NCOA7: variants seen among roughly 807,000 people sequenced by gnomAD.
The protein encoded by NCOA7 is 140 kDa estrogen receptor-associated protein.
A neutral mutation model predicts 104.3 loss-of-function variants in NCOA7; 45 were observed. The observed-to-expected ratio is 0.43, with a 90% confidence interval of 0.34 to 0.55. NCOA7 has a LOEUF of 0.55. Ranked by LOEUF, NCOA7 falls within the 20% of genes least tolerant of loss-of-function variation. The probability of loss-of-function intolerance (pLI) is 0.02; values close to 1 mark genes in which losing one functional copy is unlikely to be tolerated. For missense variants in NCOA7, 1,041 were observed against 1,119.7 expected (o/e 0.93, Z 1.00); for synonymous variants, 398 against 402.3 (o/e 0.99, Z 0.13).
At chr6:125,872,827 T>C (rs1783046462) in intron 3 of NCOA7, among the ~76,000 whole-genome samples, 1 of 152,242 alleles carries the variant, frequency 6.6e-6, no homozygotes, top group African/African-American at 2.4e-5. Flanking sequence ...TCAATAGTCC[T>C]GTCTTCCTGA....
chr6:125,874,099 C>A (rs1173756799), intron 3 of NCOA7, among the ~76,000 whole-genome samples: 1 of 152,072 alleles, frequency 6.6e-6, no homozygotes, highest in Non-Finnish European at 1.5e-5. Flanking sequence ...CTGAGGCGGG[C>A]GGATCACCTG....
Position 125,814,860 on chromosome 6 carries a change from A to C in NCOA7, c.-64-431A>C, listed in dbSNP as rs1180053376. Among the ~76,000 whole-genome samples, 4 of 152,226 alleles carry C rather than the reference A, an allele frequency of 2.6e-5. No homozygotes were observed. The East Asian group carries it at 7.7e-4, about 29-fold the overall frequency. ...TGAAGTTATTTTTATTTTTTTAAAA[A>C]AACATTCTTGTAAAACACCTAAGTG... On this transcript the variant is annotated intron_variant, in intron 1 of 15. Coordinates refer to ENST00000392477, the MANE Select transcript of NCOA7 (RefSeq NM_181782.5).
chr6:125,863,952 T>G lies in NCOA7; in HGVS notation c.271+8712T>G, dbSNP rs567877545. ...GGTGAGGATTTCAACATATGAATTTTGGGGGAACATAACATTAAAATCTTA... is the reference window on the plus strand; with the variant it reads ...GGTGAGGATTTCAACATATGAATTTGGGGGGAACATAACATTAAAATCTTA... On this transcript the variant is annotated intron_variant, in intron 3 of 15. Transcript: ENST00000392477. Among the ~76,000 whole-genome samples, 40 of 137,958 alleles carry G rather than the reference T, an allele frequency of 2.9e-4. 8 individuals are homozygous for G. Among genetic ancestry groups the G allele is most frequent in the African/African-American group, 1.1e-3 (38 of 33,112 alleles). The allele number at this position is 137,958 out of a possible 152,430, so 90.5% of individuals were successfully genotyped here.
chr6:125,847,038 T>C lies in NCOA7; in HGVS notation c.51-7982T>C, dbSNP rs143468293. Among the ~76,000 whole-genome samples the C allele has an allele frequency of 3.7e-3, 568 of 152,320 alleles. 5 individuals are homozygous for C. The highest frequency in any genetic ancestry group is 0.013 in the African/African-American group (537 of 41,576). On this transcript the variant is annotated intron_variant, in intron 2 of 15. Transcript: ENST00000392477. ...ACAATATTTGTGTGTTAGATTATTA[T>C]AGTAGGAGAGAGATTTCAAAGACTA...
At chr6:125,921,690 C>T (rs937029558) in intron 12 of NCOA7, among the ~76,000 whole-genome samples, 1 of 152,034 alleles carries the variant, frequency 6.6e-6, no homozygotes, top group Non-Finnish European at 1.5e-5. Context: ...AAAAAGGATC[C>T]AAATTTATCC....
intron 3 of NCOA7, among the ~76,000 whole-genome samples, chr6:125,864,391 T>G (rs112709826): frequency 0.014 from 1,865 of 137,734 alleles, 500 homozygotes; most frequent in African/African-American, 0.054. Flanking sequence ...AGAAGTGTAT[T>G]CACCAGAATG....
intron 2 of NCOA7, among the ~76,000 whole-genome samples, chr6:125,816,631 T>G (rs1216218800): frequency 1.3e-5 from 2 of 152,200 alleles, no homozygotes; most frequent in Non-Finnish European, 2.9e-5. Flanking sequence ...GATAGGATAT[T>G]TAGAATAAAT....
intron 2 of NCOA7, among the ~76,000 whole-genome samples, chr6:125,824,673 C>T (rs1027301864): frequency 6.6e-6 from 1 of 152,112 alleles, no homozygotes; most frequent in Non-Finnish European, 1.5e-5. Flanking sequence ...TCATATGCTT[C>T]AGTGAAAGGT....
chr6:125,816,416 C>T (rs1173232668), intron 2 of NCOA7, among the ~76,000 whole-genome samples: 2 of 152,126 alleles, frequency 1.3e-5, no homozygotes, highest in East Asian at 3.9e-4. Flanking sequence ...TTGTCCATTT[C>T]ATGCAGCATA....
chr6:125,802,528 A>G (rs897096164), intron 1 of NCOA7: 3 of 152,240 alleles, frequency 2.0e-5, no homozygotes, highest in African/African-American at 7.2e-5. Context: ...CTTCAAGTCA[A>G]TATGAATATG....
chr6:125,847,559 G>A (rs1417856228), intron 2 of NCOA7, among the ~76,000 whole-genome samples: 1 of 152,136 alleles, frequency 6.6e-6, no homozygotes, highest in African/African-American at 2.4e-5. Flanking sequence ...ACTAATTAAA[G>A]CAGTCTGTAG....
At chr6:125,805,003 G>A (rs1401986913) in intron 1 of NCOA7, among the ~76,000 whole-genome samples, 2 of 148,340 alleles carry the variant, frequency 1.3e-5, no homozygotes, top group Non-Finnish European at 3.0e-5. Flanking sequence ...CATTTAGTAT[G>A]AATAGTAATG....
Position 125,890,732 on chromosome 6 carries a change from C to T in NCOA7, c.2018C>T (p.Thr673Ile), listed in dbSNP as rs945842481. The T allele has an allele frequency of 3.1e-6, 5 of 1,613,920 alleles. No individual in the cohort carries two copies. The highest frequency in any genetic ancestry group is 2.2e-5 in the East Asian group (1 of 44,836). Residue 673 changes from threonine (T) to isoleucine (I), a missense_variant, in exon 10 of 16, where the codon ACT (threonine) becomes ATT (isoleucine). Coordinates refer to ENST00000392477, the MANE Select transcript of NCOA7 (RefSeq NM_181782.5). ...AAACCAATGAGAAAATCCTTTGCCA[C>T]TCACACTGCAGCCATGGTCCAGCAG... is the stretch of plus-strand genomic sequence containing the variant. Reference protein sequence around the residue: ...VGKPMRKSFATHTAAMVQQYG... With the variant: ...VGKPMRKSFAIHTAAMVQQYG...
In NCOA7 at chr6:125,864,498, T is replaced by C. The variant is rs1001531303; in HGVS notation, c.271+9258T>C. Among the ~76,000 whole-genome samples, 2 of 136,160 alleles carry C rather than the reference T, an allele frequency of 1.5e-5. 1 individual carries two copies. The highest frequency in any genetic ancestry group is 3.1e-5 in the Non-Finnish European group (2 of 64,482). 89.3% of individuals were successfully genotyped at this position (136,160 alleles called of 152,430 possible). ...AAAATCACTACTATGATCTGAATAT[T>C]TGTGTCCCCCCACCCACCCCCAAAT... On this transcript the variant is annotated intron_variant, in intron 3 of 15. Transcript: ENST00000392477.
intron 2 of NCOA7, among the ~76,000 whole-genome samples, chr6:125,832,479 G>A (rs544498608): frequency 1.3e-5 from 2 of 152,284 alleles, no homozygotes; most frequent in Admixed American, 6.5e-5. Context: ...CCAGGCAAGA[G>A]GACACACACA....
intron 14 of NCOA7, 22 bp from the exon 15 acceptor site, chr6:125,928,152 T>C: frequency 6.3e-7 from 1 of 1,592,194 alleles, no homozygotes; most frequent in South Asian, 1.1e-5. Flanking sequence ...GTCTGTTTTC[T>C]TTTTTGTGTT....
intron 2 of NCOA7, among the ~76,000 whole-genome samples, chr6:125,825,859 G>C (rs984721227): frequency 1.3e-5 from 2 of 151,906 alleles, no homozygotes; most frequent in African/African-American, 4.8e-5. Flanking sequence ...TTATATAAAC[G>C]ATATTCTTAT....
At position 125,867,397 on chromosome 6, in the gene NCOA7, AAGT is replaced by A. The variant is rs202237088; in HGVS notation, c.272-7490_272-7488del. 7.7e-3 allele frequency among the ~76,000 whole-genome samples: 1,169 copies of A among 152,362 alleles called. 14 individuals are homozygous for A. Among genetic ancestry groups the A allele is most frequent in the African/African-American group, 0.027 (1,116 of 41,574 alleles). The stretch of plus-strand genomic sequence containing the variant: ...TATTGGTAATGTTTTACTTTAAAAA[AAGT>A]ACTTCTTTTCCTTTTGGTTTCTGAT... On this transcript the variant is annotated intron_variant, in intron 3 of 15. Transcript: ENST00000392477.
chr6:125,782,638 A>T (rs1774279262), intron 1 of NCOA7, among the ~76,000 whole-genome samples: 2 of 152,222 alleles, frequency 1.3e-5, no homozygotes, highest in Non-Finnish European at 2.9e-5. Context: ...AGTGGAGGAC[A>T]ATAGTTTCAG....
Sources: gnomAD v4.1 joint callset for allele counts (sites outside exome capture counted in the v4.1 genomes callset) on GRCh38, gnomAD v4.1.1 for gene constraint, MANE v1.5 for transcripts, NCBI Gene and HGNC (gene_info 2026-07-23, HGNC 2026-07-21) for gene names.